CNTNAP2: variants seen among roughly 807,000 people sequenced by gnomAD.
The protein encoded by CNTNAP2 is contactin associated protein 2.
CNTNAP2 carries 98 observed loss-of-function variants against 155.2 expected under a neutral mutation model. That is an observed-to-expected ratio of 0.63 (90% confidence interval 0.54 to 0.75). The LOEUF (loss-of-function observed/expected upper bound fraction) is 0.75. CNTNAP2 is among the 30% of genes least tolerant of loss of function. CNTNAP2 has a pLI of 0.00. For synonymous variants in CNTNAP2, 651 were observed against 631.2 expected (o/e 1.03, Z -0.47); for missense variants, 1,727 against 1,688.1 (o/e 1.02, Z -0.40).
intron 3 of CNTNAP2, among the ~76,000 whole-genome samples, chr7:146,890,558 T>C (rs1461382864): frequency 1.3e-5 from 2 of 152,226 alleles, no homozygotes; most frequent in African/African-American, 4.8e-5. Flanking sequence ...TGTTGAGTTA[T>C]AATTTATTTT....
intron 3 of CNTNAP2, among the ~76,000 whole-genome samples, chr7:146,841,572 A>G (rs942104070): frequency 1.3e-5 from 2 of 151,902 alleles, no homozygotes; most frequent in Non-Finnish European, 2.9e-5. Context: ...ACTTTCTGTG[A>G]TTTCTAAACT....
chr7:146,275,100 C>T (rs1800143631), intron 1 of CNTNAP2, among the ~76,000 whole-genome samples: 2 of 152,118 alleles, frequency 1.3e-5, no homozygotes, highest in African/African-American at 2.4e-5. Context: ...AGATAATACG[C>T]ACTATGCATT....
intron 10 of CNTNAP2, among the ~76,000 whole-genome samples, chr7:147,480,327 T>G (rs1798399044): frequency 4.6e-5 from 7 of 152,226 alleles, no homozygotes; most frequent in Admixed American, 4.6e-4. Context: ...AGCAGTCTTT[T>G]CTAAAGTTTA....
chr7:147,921,376 T>A (rs973194731), intron 14 of CNTNAP2, among the ~76,000 whole-genome samples: 15 of 152,308 alleles, frequency 9.8e-5, no homozygotes, highest in Admixed American at 5.9e-4. Context: ...GCTAGGACAG[T>A]GCCTGGAAAG....
At chr7:146,252,026 T>C (rs1278400675) in intron 1 of CNTNAP2, among the ~76,000 whole-genome samples, 1 of 152,190 alleles carries the variant, frequency 6.6e-6, no homozygotes, top group Non-Finnish European at 1.5e-5. Flanking sequence ...TCAGTTTCAC[T>C]GGGCTTTTGA....
chr7:148,380,314 A>G (rs1401214897), intron 21 of CNTNAP2, among the ~76,000 whole-genome samples: 1 of 152,238 alleles, frequency 6.6e-6, no homozygotes, highest in Non-Finnish European at 1.5e-5. Flanking sequence ...AGTGATAGCT[A>G]TACTGTCATT....
chr7:146,498,933 T>A (rs1442418379), intron 1 of CNTNAP2, among the ~76,000 whole-genome samples: 1 of 152,174 alleles, frequency 6.6e-6, no homozygotes, highest in Non-Finnish European at 1.5e-5. Flanking sequence ...GATCAAGAAG[T>A]ATGATCTATG....
intron 1 of CNTNAP2, among the ~76,000 whole-genome samples, chr7:146,282,879 C>T (rs183509987): frequency 2.6e-5 from 4 of 152,222 alleles, no homozygotes; most frequent in East Asian, 1.9e-4. Flanking sequence ...CTGTCTTCTA[C>T]GTGGCACAGC....
intron 18 of CNTNAP2, among the ~76,000 whole-genome samples, chr7:148,207,833 C>G (rs368091886): frequency 6.6e-6 from 1 of 152,216 alleles, no homozygotes; most frequent in South Asian, 2.1e-4. Context: ...CGTGGTGGCT[C>G]ACGCTTGTAA....
chr7:146,417,564 T>C (rs1795954995), intron 1 of CNTNAP2, among the ~76,000 whole-genome samples: 1 of 151,898 alleles, frequency 6.6e-6, no homozygotes, highest in African/African-American at 2.4e-5. Flanking sequence ...ATTGGAGTTA[T>C]CTTCTTCTTC....
At chr7:147,669,460 G>A (rs1795751921) in intron 13 of CNTNAP2, among the ~76,000 whole-genome samples, 1 of 152,126 alleles carries the variant, frequency 6.6e-6, no homozygotes, top group South Asian at 2.1e-4. Flanking sequence ...CAAAAACTAT[G>A]TATTTTGTTA....
intron 9 of CNTNAP2, among the ~76,000 whole-genome samples, chr7:147,311,707 T>A (rs745891198): frequency 2.4e-5 from 1 of 41,466 alleles, no homozygotes; most frequent in Non-Finnish European, 4.0e-5. Flanking sequence ...GAAGTTTGTG[T>A]TTTTTTTTCC....
At chr7:147,737,086 T>C (rs12530873) in intron 13 of CNTNAP2, among the ~76,000 whole-genome samples, 46,065 of 152,082 alleles carry the variant, frequency 0.3, 7,833 homozygotes, top group African/African-American at 0.46. Flanking sequence ...CCTTTGGAGG[T>C]GGAGAGGCGC....
intron 8 of CNTNAP2, among the ~76,000 whole-genome samples, chr7:147,211,799 C>A (rs1803151687): frequency 6.6e-6 from 1 of 151,994 alleles, no homozygotes; most frequent in East Asian, 1.9e-4. Context: ...CAAAAATTGA[C>A]AGGTGGGATC....
chr7:147,315,726 G>A lies in CNTNAP2; in HGVS notation c.1498+15436G>A, dbSNP rs530849629. Among the ~76,000 whole-genome samples the A allele has an allele frequency of 3.2e-4, 49 of 151,890 alleles. 1 individual carries two copies. Among genetic ancestry groups the A allele is most frequent in the Non-Finnish European group, 2.8e-4 (19 of 67,980 alleles). ...CGATCTCCTGACCTCTGATCCACCCGCCTCAGCCTCCCAAAGTGCTGGGAT... is the reference window on the plus strand; with the variant it reads ...CGATCTCCTGACCTCTGATCCACCCACCTCAGCCTCCCAAAGTGCTGGGAT... On this transcript the variant is annotated intron_variant, in intron 9 of 23. Transcript: ENST00000361727.
chr7:147,204,511 A>G (rs1160015608), intron 8 of CNTNAP2, among the ~76,000 whole-genome samples: 2 of 152,162 alleles, frequency 1.3e-5, no homozygotes, highest in African/African-American at 4.8e-5. Flanking sequence ...ACACCATGCT[A>G]TATGAAACAG....
At chr7:146,172,951 A>G in intron 1 of CNTNAP2, among the ~76,000 whole-genome samples, 1 of 152,170 alleles carries the variant, frequency 6.6e-6, no homozygotes, top group East Asian at 1.9e-4. Context: ...AAGCCTGCTT[A>G]GTTTGGTTTT....
At chr7:146,584,495 GA>G (rs1352701526) in intron 1 of CNTNAP2, among the ~76,000 whole-genome samples, 1 of 152,194 alleles carries the variant, frequency 6.6e-6, no homozygotes, top group Non-Finnish European at 1.5e-5. Context: ...TTGATTTAAG[GA>G]GTCCACTTTC....
intron 12 of CNTNAP2, among the ~76,000 whole-genome samples, chr7:147,565,289 A>C (rs1349578267): frequency 6.6e-6 from 1 of 152,140 alleles, no homozygotes; most frequent in Non-Finnish European, 1.5e-5. Flanking sequence ...TAAGAGAGTG[A>C]CTCAAAATAA....
Sources: gnomAD v4.1 joint callset for allele counts (sites outside exome capture counted in the v4.1 genomes callset) on GRCh38, gnomAD v4.1.1 for gene constraint, MANE v1.5 for transcripts, NCBI Gene and HGNC (gene_info 2026-07-23, HGNC 2026-07-21) for gene names.